TBX4: variants seen among roughly 807,000 people sequenced by gnomAD.
The protein encoded by TBX4 is T-box transcription factor 4.
A neutral mutation model predicts 54.6 loss-of-function variants in TBX4; 13 were observed. The ratio of observed to expected loss-of-function variants is 0.24; its 90% CI spans 0.15 to 0.38. TBX4 has a LOEUF of 0.38. Ranked by LOEUF, TBX4 falls within the 10% of genes least tolerant of loss-of-function variation. The pLI is 1.00. For synonymous variants in TBX4, 314 were observed against 306.7 expected (o/e 1.02, Z -0.25); for missense variants, 631 against 728.5 (o/e 0.87, Z 1.54).
In TBX4 at chr17:61,479,238, C is replaced by T; in HGVS notation, c.702+459C>T. ...CCTTCCCAGGCTGTGATAGGAGGTG[C>T]CCCAGCCACCTCCCACACTCACTAC... is the stretch of plus-strand genomic sequence containing the variant. On this transcript the variant is annotated intron_variant, in intron 6 of 8. Transcript: ENST00000644296. This position sits in a 1 kb window ranked among gnomAD's most constrained non-coding sequence, Gnocchi z 6.1. 6.6e-6 allele frequency among the ~76,000 whole-genome samples: 1 copy of T among 152,040 alleles called. No homozygotes were observed. Among genetic ancestry groups the T allele is most frequent in the East Asian group, 1.9e-4 (1 of 5,170 alleles).
At chr17:61,456,403 A>T in intron 1 of TBX4, 85 bp from the exon 2 acceptor site, 2 of 1,519,450 alleles carry the variant, frequency 1.3e-6, no homozygotes, top group Non-Finnish European at 1.8e-6. Flanking sequence ...CCCCGCACGA[A>T]GTCCCGGAAT....
chr17:61,463,359 A>AG (rs540812480), intron 3 of TBX4: 1 of 152,446 alleles, frequency 6.6e-6, no homozygotes, highest in South Asian at 2.1e-4. Context: ...TGGGCAGGGG[A>AG]GGCGAGGCTG....
Position 61,462,062 on chromosome 17 carries a change from A to G in TBX4, c.282-3757A>G, listed in dbSNP as rs1309513845. ...GCAGCTAGAACTTGCGTGTTCCCTCAGCAGTGAGTTCGCAGTTACGGGTTT... is the reference window on the plus strand; with the variant it reads ...GCAGCTAGAACTTGCGTGTTCCCTCGGCAGTGAGTTCGCAGTTACGGGTTT... On this transcript the variant is annotated intron_variant, in intron 3 of 8. Transcript: ENST00000644296. This position sits in a 1 kb window ranked among gnomAD's most constrained non-coding sequence, Gnocchi z 4.5. Among the ~76,000 whole-genome samples the G allele has an allele frequency of 6.6e-6, 1 of 152,190 alleles. No individual in the cohort carries two copies. Among genetic ancestry groups the G allele is most frequent in the African/African-American group, 2.4e-5 (1 of 41,450 alleles).
At chr17:61,477,872 T>C (rs1419758314) in intron 5 of TBX4, among the ~76,000 whole-genome samples, 2 of 138,442 alleles carry the variant, frequency 1.4e-5, no homozygotes, top group African/African-American at 2.7e-5. Flanking sequence ...ACCCAGGAAG[T>C]AGAGGTTGCA....
Position 61,456,388 on chromosome 17 carries a change from C to T in TBX4, c.-3-100C>T, listed in dbSNP as rs2060449208. ...GGGTCCACGTGCTCCAGGGCTGCCT[C>T]CGCGCCCCGCACGAAGTCCCGGAAT... On this transcript the variant is annotated intron_variant, in intron 1 of 8. Transcript: ENST00000644296. 2.0e-6 allele frequency: 3 copies of T among 1,495,150 alleles called. No individual in the cohort carries two copies. In the Admixed American group the frequency reaches 6.0e-5, roughly 30 times the overall value. 92.6% of individuals were successfully genotyped at this position (1,495,150 alleles called of 1,614,324 possible).
chr17:61,456,415 G>A (rs984702351), intron 1 of TBX4, 73 bp from the exon 2 acceptor site: 7 of 1,531,352 alleles, frequency 4.6e-6, no homozygotes, highest in Admixed American at 2.0e-5. Flanking sequence ...TCCCGGAATC[G>A]GCTGGAGAGG....
chr17:61,471,661 T>A (rs1321814125), intron 5 of TBX4, among the ~76,000 whole-genome samples: 2 of 151,864 alleles, frequency 1.3e-5, no homozygotes, highest in African/African-American at 4.8e-5. Flanking sequence ...CTTAATAATA[T>A]CTCTTGGAGA....
chr17:61,467,772 C>G, intron 5 of TBX4, 115 bp downstream of exon 5: 3 of 1,346,822 alleles, frequency 2.2e-6, no homozygotes, highest in East Asian at 2.4e-5. Flanking sequence ...CAGGCTTTGG[C>G]GCTCACTGAC....
intron 5 of TBX4, among the ~76,000 whole-genome samples, chr17:61,468,167 C>T (rs535353262): frequency 1.3e-5 from 2 of 152,316 alleles, no homozygotes; most frequent in Admixed American, 6.5e-5. Flanking sequence ...GCCTGACAGC[C>T]GCCTGCTTCT....
chr17:61,455,473 C>T (rs1428463803), intron 1 of TBX4, among the ~76,000 whole-genome samples: 2 of 152,246 alleles, frequency 1.3e-5, no homozygotes, highest in African/African-American at 4.8e-5. Context: ...TGCGGGCAGG[C>T]TGGCCTCTCA....
rs1375044796 is a variant in TBX4, at chr17:61,483,432, C to T, written c.1557C>T (p.Tyr519=). The change falls in exon 9 of 9, where the codon TAC becomes TAT. Residue 519 remains tyrosine (Y), a synonymous_variant. Transcript: ENST00000644296. The surrounding 1 kb of genome is among the most constrained non-coding windows in gnomAD (Gnocchi z 6.6). ...TAAATGCTGCCAATGAGTTTCTCTA[C>T]TCTCAAACCTTCTCCTTGTCCCGAG... The part of the protein sequence containing the change: ...PHLNAANEFL[Y]SQTFSLSRES... 5.6e-6 allele frequency: 9 copies of T among 1,614,192 alleles called. No homozygotes were observed. The highest frequency in any genetic ancestry group is 6.8e-6 in the Non-Finnish European group (8 of 1,180,024).
Position 61,474,723 on chromosome 17 carries a change from A to G in TBX4, c.550-3904A>G, listed in dbSNP as rs1239229105. On this transcript the variant is annotated intron_variant, in intron 5 of 8. Transcript: ENST00000644296. This position sits in a 1 kb window ranked among gnomAD's most constrained non-coding sequence, Gnocchi z 4.6. ...TGACGTGGCTGGCCCATTTGGCCCC[A>G]TATCCTCTGCAGCAAATATAAATGT... is the stretch of plus-strand genomic sequence containing the variant. Among the ~76,000 whole-genome samples the G allele has an allele frequency of 6.6e-6, 1 of 152,246 alleles. No homozygotes were observed. Among genetic ancestry groups the G allele is most frequent in the African/African-American group, 2.4e-5 (1 of 41,464 alleles).
chr17:61,475,787 C>G lies in TBX4; in HGVS notation c.550-2840C>G, dbSNP rs1425352501. ...GGTGCCTATGGCTCTGTCCTGGGTT[C>G]TCTCAGCCCACGGTCTTTGTTCTCC... On this transcript the variant is annotated intron_variant, in intron 5 of 8. Coordinates refer to ENST00000644296, the MANE Select transcript of TBX4 (RefSeq NM_001321120.2). This position sits in a 1 kb window ranked among gnomAD's most constrained non-coding sequence, Gnocchi z 5.0. Among the ~76,000 whole-genome samples, 1 of 152,156 alleles carries G rather than the reference C, an allele frequency of 6.6e-6. No homozygotes were observed. The highest frequency in any genetic ancestry group is 1.5e-5 in the Non-Finnish European group (1 of 68,034).
Position 61,483,728 on chromosome 17 carries a change from C to T in TBX4, c.*212C>T, listed in dbSNP as rs2060684597. The T allele has an allele frequency of 1.6e-6, 1 of 639,058 alleles. No individual in the cohort carries two copies. Among genetic ancestry groups the T allele is most frequent in the South Asian group, 1.9e-5 (1 of 52,576 alleles). 39.6% of individuals were successfully genotyped at this position (639,058 alleles called of 1,614,324 possible). On this transcript the variant is annotated 3_prime_UTR_variant, in exon 9 of 9. Coordinates refer to ENST00000644296, the MANE Select transcript of TBX4 (RefSeq NM_001321120.2). The surrounding 1 kb of genome is among the most constrained non-coding windows in gnomAD (Gnocchi z 6.6). ...CTGAGGTCATGACAAGGAAAAAAAA[C>T]ACCACATTTATCTAAGAAGTGATTT...
intron 5 of TBX4, among the ~76,000 whole-genome samples, chr17:61,468,717 A>G (rs746940989): frequency 6.6e-6 from 1 of 152,030 alleles, no homozygotes; most frequent in Non-Finnish European, 1.5e-5. Context: ...AATGCAGTCA[A>G]CTCCTGACTT....
intron 5 of TBX4, among the ~76,000 whole-genome samples, chr17:61,477,956 A>G (rs1228483140): frequency 1.1e-4 from 17 of 151,524 alleles, no homozygotes; most frequent in African/African-American, 1.9e-4. Context: ...AAAAAAAAAA[A>G]AAAGAAAAAG....
Position 61,478,689 on chromosome 17 carries a change from C to T in TBX4, c.612C>T (p.Asn204=), listed in dbSNP as rs140971014. The T allele has an allele frequency of 1.4e-4, 222 of 1,614,096 alleles. No individual in the cohort carries two copies. Among genetic ancestry groups the T allele is most frequent in the Non-Finnish European group, 1.8e-4 (209 of 1,180,048 alleles). The change falls in exon 6 of 9, where the codon AAC becomes AAT. Residue 204 remains asparagine, a synonymous_variant. Transcript: ENST00000644296. This position sits in a 1 kb window ranked among gnomAD's most constrained non-coding sequence, Gnocchi z 7.4. ...PRLHIVKADE[N]NAFGSKNTAF... is the part of the protein sequence containing the mutation. ...TCCACATCGTTAAGGCTGATGAGAACAATGCTTTCGGCTCCAAAAACACTG... is the reference window on the plus strand; with the variant it reads ...TCCACATCGTTAAGGCTGATGAGAATAATGCTTTCGGCTCCAAAAACACTG...
In TBX4 at chr17:61,481,141, C is replaced by T. The variant is rs111889448; in HGVS notation, c.1021+822C>T. ...CATTAGAACTCAATGACCTAGAGCA[C>T]GGGTTGGCAAACTGTGGCCTTCGGA... On this transcript the variant is annotated intron_variant, in intron 8 of 8. Transcript: ENST00000644296. The surrounding 1 kb of genome is among the most constrained non-coding windows in gnomAD (Gnocchi z 4.8). Among the ~76,000 whole-genome samples the T allele has an allele frequency of 2.1e-3, 323 of 152,218 alleles. No homozygotes were observed. The highest frequency in any genetic ancestry group is 7.4e-3 in the African/African-American group (306 of 41,540).
In TBX4 at chr17:61,483,568, C is replaced by T; in HGVS notation, c.*52C>T. On this transcript the variant is annotated 3_prime_UTR_variant, in exon 9 of 9. Coordinates refer to ENST00000644296, the MANE Select transcript of TBX4 (RefSeq NM_001321120.2). This position sits in a 1 kb window ranked among gnomAD's most constrained non-coding sequence, Gnocchi z 6.6. ...GACCGTGTTGCTCCAGTATTAACCT[C>T]TGTGGGTGGCCTGCACTCTACCAAG... The T allele has an allele frequency of 6.2e-7, 1 of 1,611,500 alleles. No individual in the cohort carries two copies. The highest frequency in any genetic ancestry group is 1.1e-5 in the South Asian group (1 of 90,496).
Sources: allele counts gnomAD v4.1 joint callset (sites outside exome capture counted in the v4.1 genomes callset), GRCh38; gene constraint gnomAD v4.1.1; non-coding constraint Gnocchi (gnomAD v3.1); transcripts MANE v1.5; gene names NCBI Gene and HGNC (gene_info 2026-07-23, HGNC 2026-07-21).